PRPF18: variants seen among roughly 807,000 people sequenced by gnomAD.
PRPF18 encodes the protein pre-mRNA processing factor 18, also known as pre-mRNA-splicing factor 18.
In PRPF18, 38 loss-of-function variants were observed where a neutral mutation model predicts 46.5. The observed-to-expected ratio is 0.82, with a 90% CI of 0.63 to 1.07. The LOEUF is 1.07. Among genes scored for constraint, PRPF18 ranks in the 50% least tolerant of loss-of-function variants. PRPF18 has a pLI of 0.00. For synonymous variants in PRPF18, 152 were observed against 146.7 expected (o/e 1.04, Z -0.26); for missense variants, 263 against 410.0 (o/e 0.64, Z 3.10).
At chr10:13,632,265 C>T (rs1002482460), downstream of PRPF18, among the ~76,000 whole-genome samples, 5 of 152,004 alleles carry the variant, frequency 3.3e-5, no homozygotes, top group Admixed American at 3.3e-4. Context: ...GGCGTGAACC[C>T]AGGAGGCAGA....
chr10:13,611,331 C>A (rs1274322148), intron 5 of PRPF18, among the ~76,000 whole-genome samples: 4 of 151,978 alleles, frequency 2.6e-5, no homozygotes, highest in African/African-American at 4.8e-5. Flanking sequence ...GGTGGTGCAA[C>A]CATTATCACA....
intron 1 of PRPF18, among the ~76,000 whole-genome samples, chr10:13,593,858 G>C (rs1199423108): frequency 3.3e-5 from 5 of 152,282 alleles, no homozygotes; most frequent in African/African-American, 9.6e-5. Context: ...AGGGGAGAAT[G>C]AAAGGATGGG....
intron 1 of PRPF18, among the ~76,000 whole-genome samples, chr10:13,588,312 C>G (rs540593161): frequency 6.6e-6 from 1 of 151,976 alleles, no homozygotes; most frequent in Non-Finnish European, 1.5e-5. Flanking sequence ...GAGGCTGAGG[C>G]CAGAGAATCA....
the PRPF18 span, chr10:13,654,672 C>T: frequency 1.7e-6 from 1 of 605,148 alleles, no homozygotes; most frequent in Middle Eastern, 4.4e-4. Context: ...ATCCCTATGG[C>T]ATGGTCACAG....
At chr10:13,622,284 C>A (rs1015479462) in intron 9 of PRPF18, among the ~76,000 whole-genome samples, 49 of 152,150 alleles carry the variant, frequency 3.2e-4, no homozygotes, top group African/African-American at 1.2e-3. Context: ...CATAGTAATA[C>A]CTTTTAATGT....
chr10:13,635,007 C>T (rs140729062), downstream of PRPF18, among the ~76,000 whole-genome samples: 8 of 152,216 alleles, frequency 5.3e-5, no homozygotes, highest in Admixed American at 2.0e-4. Flanking sequence ...ATATTAAGCC[C>T]GGCATCCACT....
chr10:13,611,578 G>C, intron 5 of PRPF18, 37 bp from the exon 6 acceptor site: 1 of 1,557,248 alleles, frequency 6.4e-7, no homozygotes, highest in South Asian at 1.1e-5. Flanking sequence ...TTGTTGCTCT[G>C]TATTAATGAA....
Position 13,628,613 on chromosome 10 carries a change from G to A in PRPF18, c.949-1647G>A, listed in dbSNP as rs541424722. 2.6e-5 allele frequency among the ~76,000 whole-genome samples: 4 copies of A among 152,036 alleles called. No individual in the cohort carries two copies. In the South Asian group the frequency reaches 8.3e-4, roughly 32 times the overall value. On this transcript the variant is annotated intron_variant, in intron 9 of 9. Coordinates refer to ENST00000378572, the MANE Select transcript of PRPF18 (RefSeq NM_003675.4). ...TTAACCAGGGTTGGTTGAATCCATG[G>A]ACACATAACCCATGGATACTGACTG...
At chr10:13,644,938 G>A in the PRPF18 span, 1 of 152,258 alleles carries the variant, frequency 6.6e-6, no homozygotes, top group African/African-American at 2.4e-5. Context: ...AAGCGTTCTG[G>A]GAATATGAAT....
chr10:13,599,489 A>G (rs2080076453), intron 2 of PRPF18, among the ~76,000 whole-genome samples: 3 of 152,184 alleles, frequency 2.0e-5, no homozygotes, highest in Admixed American at 6.5e-5. Flanking sequence ...TCTTTTTTAT[A>G]GACTCCACAA....
At chr10:13,612,038 C>G (rs1220823874) in intron 6 of PRPF18, among the ~76,000 whole-genome samples, 1 of 151,978 alleles carries the variant, frequency 6.6e-6, no homozygotes, top group Non-Finnish European at 1.5e-5. Context: ...CACCACCATG[C>G]TTGGCTAATT....
the PRPF18 span, chr10:13,644,766 C>G: frequency 6.6e-6 from 1 of 151,456 alleles, no homozygotes; most frequent in South Asian, 2.1e-4. Flanking sequence ...AAAAATGGCC[C>G]AATGTATAAT....
intron 1 of PRPF18, chr10:13,592,102 C>A (rs2079971604): frequency 1.7e-6 from 1 of 583,492 alleles, no homozygotes; most frequent in Non-Finnish European, 3.1e-6. Flanking sequence ...TACTTAGCGG[C>A]TGAGTACTTC....
chr10:13,601,544 C>G (rs778332342), intron 3 of PRPF18, among the ~76,000 whole-genome samples: 1 of 152,190 alleles, frequency 6.6e-6, no homozygotes, highest in Non-Finnish European at 1.5e-5. Context: ...CTTGTACAAG[C>G]GTCAGTGTGT....
the PRPF18 span, chr10:13,645,745 A>C: frequency 6.6e-6 from 1 of 152,604 alleles, no homozygotes; most frequent in Admixed American, 6.5e-5. Flanking sequence ...TTCTTGGAAT[A>C]AGTGACACAT....
chr10:13,641,149 A>C, the PRPF18 span: 1 of 152,192 alleles, frequency 6.6e-6, no homozygotes, highest in Non-Finnish European at 1.5e-5. Context: ...GGCCCCCTCT[A>C]CTTCCAGTGT....
chr10:13,588,969 C>T (rs151035418), intron 1 of PRPF18, among the ~76,000 whole-genome samples: 2 of 152,324 alleles, frequency 1.3e-5, no homozygotes, highest in African/African-American at 4.8e-5. Context: ...ACTGATCGAT[C>T]ATTTGGAAAA....
intron 4 of PRPF18, among the ~76,000 whole-genome samples, chr10:13,606,846 G>A (rs1285382120): frequency 6.6e-6 from 1 of 151,978 alleles, no homozygotes; most frequent in Non-Finnish European, 1.5e-5. Context: ...GGTCTCTTGG[G>A]GAGATACCTA....
At chr10:13,654,731 CCATTTTCTACCCACTA>C in the PRPF18 span, 1 of 568,924 alleles carries the variant, frequency 1.8e-6, no homozygotes, top group Admixed American at 3.2e-5. Flanking sequence ...CCCACCCATT[CCATTTTCTACCCACTA>C]CCATGCACCT....
Sources: allele counts gnomAD v4.1 joint callset (sites outside exome capture counted in the v4.1 genomes callset), GRCh38; gene constraint gnomAD v4.1.1; transcripts MANE v1.5; gene names NCBI Gene and HGNC (gene_info 2026-07-23, HGNC 2026-07-21).